Variants in OXSR1 observed in about 807,000 individuals in gnomAD.
OXSR1 encodes the protein oxidative stress responsive kinase 1, also known as serine/threonine-protein kinase OSR1.
A neutral mutation model predicts 79.8 loss-of-function variants in OXSR1; 24 were observed. That is an observed-to-expected ratio of 0.30 (90% CI 0.22 to 0.42). The LOEUF (loss-of-function observed/expected upper bound fraction) is 0.42. Among genes scored for constraint, OXSR1 ranks in the 10% least tolerant of loss-of-function variants. The pLI, the probability that OXSR1 is intolerant of heterozygous loss-of-function variation, is 1.00. For missense variants in OXSR1, 430 were observed against 618.4 expected, an observed-to-expected ratio of 0.70 and a Z score of 3.23; for synonymous variants, 226 against 209.2, an observed-to-expected ratio of 1.08 and a Z score of -0.69.
intron 2 of OXSR1, among the ~76,000 whole-genome samples, chr3:38,187,107 A>G (rs1013026586): frequency 6.6e-6 from 1 of 152,228 alleles, no homozygotes; most frequent in Non-Finnish European, 1.5e-5. Context: ...CTAGACCAAC[A>G]ACTTTATAAA....
chr3:38,226,431 A>G (rs1183304066), intron 8 of OXSR1, among the ~76,000 whole-genome samples: 6 of 152,186 alleles, frequency 3.9e-5, no homozygotes, highest in Non-Finnish European at 7.4e-5. Flanking sequence ...TGAAAAATAC[A>G]GTGATTAATG....
intron 4 of OXSR1, among the ~76,000 whole-genome samples, chr3:38,204,250 C>T (rs1363132484): frequency 6.6e-6 from 1 of 152,212 alleles, no homozygotes; most frequent in African/African-American, 2.4e-5. Flanking sequence ...TGTCCTCTGG[C>T]CCAGGGCACG....
At chr3:38,245,798 C>A (rs1399379502) in intron 12 of OXSR1, among the ~76,000 whole-genome samples, 1 of 152,068 alleles carries the variant, frequency 6.6e-6, no homozygotes, top group Middle Eastern at 3.2e-3. Flanking sequence ...GTGATGGTTG[C>A]ACAATTCTAT....
chr3:38,220,404 A>G (rs550796852), intron 5 of OXSR1, among the ~76,000 whole-genome samples: 1 of 152,152 alleles, frequency 6.6e-6, no homozygotes, highest in Non-Finnish European at 1.5e-5. Flanking sequence ...TGAAAATAGA[A>G]CAAATTATGG....
chr3:38,239,421 C>T (rs1421941672), intron 11 of OXSR1, among the ~76,000 whole-genome samples: 1 of 152,108 alleles, frequency 6.6e-6, no homozygotes, highest in African/African-American at 2.4e-5. Context: ...TAGTTTAATG[C>T]TTTTAGATCT....
At chr3:38,211,134 A>ACCACC (rs1702378710) in intron 4 of OXSR1, among the ~76,000 whole-genome samples, 1 of 152,104 alleles carries the variant, frequency 6.6e-6, no homozygotes, top group East Asian at 1.9e-4. Context: ...CCCTCACCAC[A>ACCACC]CCACCAAAAA....
At chr3:38,243,380 C>G (rs1703074623) in intron 12 of OXSR1, among the ~76,000 whole-genome samples, 1 of 152,154 alleles carries the variant, frequency 6.6e-6, no homozygotes, top group Admixed American at 6.6e-5. Flanking sequence ...CAAATGCCAC[C>G]TGTCCTTTTT....
chr3:38,221,623 G>A lies in OXSR1; in HGVS notation c.536G>A (p.Arg179Gln), dbSNP rs1296395342. Reference protein sequence around the residue: ...AFLATGGDITRNKVRKTFVGT... With the variant: ...AFLATGGDITQNKVRKTFVGT... ...TTAGCAACTGGTGGTGATATTACCCGAAATAAAGTGAGAAAGACCTTTGTT... is the reference window on the plus strand; with the variant it reads ...TTAGCAACTGGTGGTGATATTACCCAAAATAAAGTGAGAAAGACCTTTGTT... Residue 179 changes from arginine (R) to glutamine (Q), a missense_variant, in exon 6 of 18, where the codon CGA becomes CAA. By Grantham distance (43) the Arg-to-Gln change is conservative. This residue lies in a region of OXSR1 where 145 missense variants were observed against 228.3 expected (regional missense o/e 0.64). Transcript: ENST00000311806. 2.5e-6 allele frequency: 4 copies of A among 1,613,094 alleles called. No individual in the cohort carries two copies. The highest frequency in any genetic ancestry group is 3.4e-6 in the Non-Finnish European group (4 of 1,179,354).
At chr3:38,202,439 G>T (rs943754850) in intron 4 of OXSR1, among the ~76,000 whole-genome samples, 17 of 152,188 alleles carry the variant, frequency 1.1e-4, no homozygotes, top group African/African-American at 4.1e-4. Flanking sequence ...GAGTGTAGTG[G>T]CATGATTGTA....
intron 4 of OXSR1, among the ~76,000 whole-genome samples, chr3:38,209,308 T>C (rs1702337267): frequency 6.6e-6 from 1 of 152,118 alleles, no homozygotes; most frequent in African/African-American, 2.4e-5. Flanking sequence ...AGCCTTGACC[T>C]CTTGGGCTCA....
At position 38,253,645 on chromosome 3, in the gene OXSR1, C is replaced by T. The variant is rs1004722045; in HGVS notation, c.*754C>T. ...TTTTACAGACAACATCGAGTAATGG[C>T]TTGTAAATGTGAATTTTGCCAGAGG... is the stretch of plus-strand genomic sequence containing the variant. On this transcript the variant is annotated 3_prime_UTR_variant, in exon 18 of 18. Coordinates refer to ENST00000311806, the MANE Select transcript of OXSR1 (RefSeq NM_005109.3). 6.6e-6 allele frequency: 1 copy of T among 152,538 alleles called. No individual in the cohort carries two copies. The highest frequency in any genetic ancestry group is 2.4e-5 in the African/African-American group (1 of 41,422). 9.4% of individuals were successfully genotyped at this position (152,538 alleles called of 1,614,324 possible). A position where few individuals can be genotyped will look rare whatever the true frequency, so the allele number is the denominator to read the frequency against.
Position 38,182,404 on chromosome 3 carries a change from A to C in OXSR1, c.71-599A>C, listed in dbSNP as rs1701804206. 2.0e-5 allele frequency among the ~76,000 whole-genome samples: 3 copies of C among 152,260 alleles called. No homozygotes were observed. In the South Asian group the frequency reaches 6.2e-4, roughly 32 times the overall value. On this transcript the variant is annotated intron_variant, in intron 1 of 17. Coordinates refer to ENST00000311806, the MANE Select transcript of OXSR1 (RefSeq NM_005109.3). Reference sequence around the variant, plus strand: ...GGGTTCACCACTGTCCTGGATGGGGACTGGAAAATGTATCTCTCTGCTAGG... The same window carrying C: ...GGGTTCACCACTGTCCTGGATGGGGCCTGGAAAATGTATCTCTCTGCTAGG...
chr3:38,227,817 C>T (rs1018849517), intron 8 of OXSR1, among the ~76,000 whole-genome samples: 3 of 152,088 alleles, frequency 2.0e-5, no homozygotes, highest in Admixed American at 6.6e-5. Flanking sequence ...CTACAGGCAA[C>T]CTCGGGGAAC....
At chr3:38,167,868 C>T (rs1701497360) in intron 1 of OXSR1, among the ~76,000 whole-genome samples, 1 of 150,620 alleles carries the variant, frequency 6.6e-6, no homozygotes, top group Non-Finnish European at 1.5e-5. Context: ...GAGGAGGTTC[C>T]CTATCATCAT....
At chr3:38,230,245 T>C in intron 9 of OXSR1, 120 bp from the exon 10 acceptor site, 3 of 693,812 alleles carry the variant, frequency 4.3e-6, no homozygotes, top group East Asian at 5.1e-5. Flanking sequence ...TGAAAGTTTT[T>C]CTCACACTTC....
intron 6 of OXSR1, 101 bp from the exon 7 acceptor site, chr3:38,223,711 A>G: frequency 4.4e-6 from 3 of 679,018 alleles, no homozygotes; most frequent in Non-Finnish European, 7.3e-6. Flanking sequence ...CAGCCTCCCA[A>G]AGTGCTGGGA....
At chr3:38,197,942 T>C (rs892526624) in intron 3 of OXSR1, among the ~76,000 whole-genome samples, 2 of 152,230 alleles carry the variant, frequency 1.3e-5, no homozygotes, top group African/African-American at 4.8e-5. Context: ...AATATTGTTT[T>C]GTTTTGGTTC....
intron 14 of OXSR1, 89 bp downstream of exon 14, chr3:38,247,821 G>A: frequency 1.3e-6 from 1 of 748,836 alleles, no homozygotes; most frequent in Non-Finnish European, 2.3e-6. Context: ...TAACTGGATA[G>A]GATTGTATGT....
rs1237546823 is a variant in OXSR1 at position 38,253,670 on chromosome 3, G to A, written c.*779G>A. 1 of 152,726 alleles carries A rather than the reference G, an allele frequency of 6.5e-6. No individual in the cohort carries two copies. Among genetic ancestry groups the A allele is most frequent in the Non-Finnish European group, 1.5e-5 (1 of 68,186 alleles). The allele number at this position is 152,726 out of a possible 1,614,324, so 9.5% of individuals were successfully genotyped here. Reference sequence around the variant, plus strand: ...CTTGTAAATGTGAATTTTGCCAGAGGTGGTTTTTGAACAGGAAAATCATAA... The same window carrying A: ...CTTGTAAATGTGAATTTTGCCAGAGATGGTTTTTGAACAGGAAAATCATAA... On this transcript the variant is annotated 3_prime_UTR_variant, in exon 18 of 18. Transcript: ENST00000311806.
Sources: gnomAD v4.1 joint callset for allele counts (sites outside exome capture counted in the v4.1 genomes callset) on GRCh38, gnomAD v4.1.1 for gene constraint, gnomAD v4.1.1 regional missense constraint, MANE v1.5 for transcripts, NCBI Gene and HGNC (gene_info 2026-07-23, HGNC 2026-07-21) for gene names.